Variants in PLPPR1 observed in about 807,000 individuals in gnomAD.
PLPPR1 encodes phospholipid phosphatase-related protein type 1.
PLPPR1 carries 10 observed loss-of-function variants against 33.1 expected under a neutral mutation model. The observed-to-expected ratio is 0.30, with a 90% CI of 0.19 to 0.51. The LOEUF (loss-of-function observed/expected upper bound fraction) is 0.51, where lower values mean the gene tolerates loss of function less well. Ranked by LOEUF, PLPPR1 falls within the 20% of genes least tolerant of loss-of-function variation. The pLI, the probability that PLPPR1 is intolerant of heterozygous loss-of-function variation, is 0.97. For missense variants in PLPPR1, 304 were observed against 408.1 expected (o/e 0.74, Z 2.20); for synonymous variants, 151 against 151.0 (o/e 1.00, Z 0.00).
At chr9:101,172,491 G>A (rs1825957426) in intron 1 of PLPPR1, among the ~76,000 whole-genome samples, 1 of 152,078 alleles carries the variant, frequency 6.6e-6, no homozygotes, top group African/African-American at 2.4e-5. Context: ...TAGTTAGGAG[G>A]TTTTCTACCT....
At chr9:101,300,762 G>C (rs750491759) in intron 4 of PLPPR1, among the ~76,000 whole-genome samples, 13 of 152,124 alleles carry the variant, frequency 8.5e-5, no homozygotes, top group African/African-American at 1.2e-4. Flanking sequence ...CATTTAGTTT[G>C]TATCCAGGGC....
chr9:101,276,850 T>C (rs1295133869), intron 3 of PLPPR1, among the ~76,000 whole-genome samples: 1 of 152,214 alleles, frequency 6.6e-6, no homozygotes, highest in East Asian at 1.9e-4. Context: ...ACTGAACTCT[T>C]TTCAGAATCA....
At chr9:101,225,024 G>A (rs72741482) in intron 2 of PLPPR1, among the ~76,000 whole-genome samples, 3,248 of 152,266 alleles carry the variant, frequency 0.021, 41 homozygotes, top group Middle Eastern at 0.068. Flanking sequence ...GAACTTCGGT[G>A]ATACTTTTAT....
At chr9:101,119,856 C>A (rs767845365) in intron 1 of PLPPR1, among the ~76,000 whole-genome samples, 2 of 152,196 alleles carry the variant, frequency 1.3e-5, no homozygotes, top group Non-Finnish European at 2.9e-5. Flanking sequence ...TCCCTCCCCA[C>A]CCAAACCACC....
At chr9:101,262,794 C>A (rs925329276) in intron 2 of PLPPR1, among the ~76,000 whole-genome samples, 1 of 152,150 alleles carries the variant, frequency 6.6e-6, no homozygotes, top group African/African-American at 2.4e-5. Flanking sequence ...GAAATTGTGG[C>A]ACATATATAC....
intron 1 of PLPPR1, among the ~76,000 whole-genome samples, chr9:101,073,902 A>T (rs1334482704): frequency 1.3e-5 from 2 of 152,206 alleles, no homozygotes; most frequent in Non-Finnish European, 2.9e-5. Context: ...AGATGAAGCC[A>T]TGAATATTAA....
chr9:101,193,302 C>T (rs1826334659), intron 2 of PLPPR1, among the ~76,000 whole-genome samples: 1 of 152,136 alleles, frequency 6.6e-6, no homozygotes, highest in South Asian at 2.1e-4. Context: ...CCTACTATCC[C>T]CTTTTCCTAT....
intron 4 of PLPPR1, among the ~76,000 whole-genome samples, chr9:101,289,197 C>T (rs962461629): frequency 1.3e-5 from 2 of 152,172 alleles, no homozygotes; most frequent in Non-Finnish European, 2.9e-5. Flanking sequence ...ACTTTACAAG[C>T]TGGCCAAACC....
rs144867320 is a variant in PLPPR1 at position 101,043,009 on chromosome 9, C to T, written c.-46+13907C>T. ...GTGATGACTTTGGTTTGCCCATCACCGGAGCAGTTACACAGAACCCAATTG... is the reference window on the plus strand; with the variant it reads ...GTGATGACTTTGGTTTGCCCATCACTGGAGCAGTTACACAGAACCCAATTG... On this transcript the variant is annotated intron_variant, in intron 1 of 7. Coordinates refer to ENST00000374874, the MANE Select transcript of PLPPR1 (RefSeq NM_207299.2). 2.9e-3 allele frequency among the ~76,000 whole-genome samples: 441 copies of T among 152,136 alleles called. 8 individuals carry two copies. Among genetic ancestry groups the T allele is most frequent in the Middle Eastern group, 0.01 (3 of 294 alleles).
intron 2 of PLPPR1, among the ~76,000 whole-genome samples, chr9:101,262,119 G>A (rs116125059): frequency 0.015 from 2,238 of 152,292 alleles, 45 homozygotes; most frequent in African/African-American, 0.049. Flanking sequence ...AGTCTTGAAA[G>A]ATACACAGTC....
At chr9:101,142,785 C>G (rs1248288571) in intron 1 of PLPPR1, among the ~76,000 whole-genome samples, 1 of 151,890 alleles carries the variant, frequency 6.6e-6, no homozygotes, top group African/African-American at 2.4e-5. Context: ...CAGTGATGAA[C>G]AGGACAGACA....
intron 2 of PLPPR1, among the ~76,000 whole-genome samples, chr9:101,199,072 T>C (rs956827189): frequency 6.6e-6 from 1 of 152,232 alleles, no homozygotes; most frequent in Non-Finnish European, 1.5e-5. Flanking sequence ...ATTTTCACTA[T>C]ATACAATAGA....
intron 1 of PLPPR1, among the ~76,000 whole-genome samples, chr9:101,091,459 T>C (rs1412961712): frequency 1.3e-5 from 2 of 152,136 alleles, no homozygotes; most frequent in African/African-American, 4.8e-5. Flanking sequence ...TTTCCTAGTG[T>C]TCCTTGGGTC....
At position 101,054,587 on chromosome 9, in the gene PLPPR1, T is replaced by G. The variant is rs115338602; in HGVS notation, c.-46+25485T>G. 9.1e-3 allele frequency among the ~76,000 whole-genome samples: 1,382 copies of G among 152,338 alleles called. 63 individuals are homozygous for G. In the East Asian group the frequency reaches 0.14, roughly 16 times the overall value. On this transcript the variant is annotated intron_variant, in intron 1 of 7. Transcript: ENST00000374874. ...ACAAACCCTTCTTTTAGACAGGATT[T>G]GTTCTTCACAAAGACTTATTGCTTA...
chr9:101,214,607 A>G (rs562774460), intron 2 of PLPPR1, among the ~76,000 whole-genome samples: 19 of 152,274 alleles, frequency 1.2e-4, no homozygotes, highest in Non-Finnish European at 2.4e-4. Context: ...AATAATTCAC[A>G]CCTTTAATTC....
In PLPPR1 at chr9:101,309,338, G is replaced by A. The variant is rs118040455; in HGVS notation, c.513G>A (p.Ala171=). ...KPNYTSADCQ[A]HHQFINNGNI... ...ACTACACCAGTGCAGACTGCCAAGC[G>A]CACCACCAGTTTATAAACAATGGGA... Residue 171 remains alanine, a synonymous_variant, in exon 5 of 8, where the codon GCG becomes GCA. Transcript: ENST00000374874. 2.6e-4 allele frequency: 423 copies of A among 1,614,120 alleles called. 3 individuals are homozygous for A. In the East Asian group the frequency reaches 7.5e-3, roughly 28 times the overall value.
At chr9:101,147,820 G>C (rs150903551) in intron 1 of PLPPR1, among the ~76,000 whole-genome samples, 1 of 152,324 alleles carries the variant, frequency 6.6e-6, no homozygotes, top group Non-Finnish European at 1.5e-5. Context: ...TCCTGGTTCA[G>C]TGAAGTTAAG....
At chr9:101,067,700 C>G (rs1830435504) in intron 1 of PLPPR1, among the ~76,000 whole-genome samples, 1 of 152,026 alleles carries the variant, frequency 6.6e-6, no homozygotes, top group Non-Finnish European at 1.5e-5. Context: ...TTGGCACTAA[C>G]AGATTCCTTT....
intron 1 of PLPPR1, among the ~76,000 whole-genome samples, chr9:101,029,573 C>T (rs1470725766): frequency 6.6e-6 from 1 of 152,224 alleles, no homozygotes; most frequent in Admixed American, 6.5e-5. Context: ...GATTTTCCCT[C>T]AGGCATGGGC....
Sources: gnomAD v4.1 joint callset for allele counts (sites outside exome capture counted in the v4.1 genomes callset) on GRCh38, gnomAD v4.1.1 for gene constraint, MANE v1.5 for transcripts, NCBI Gene and HGNC (gene_info 2026-07-23, HGNC 2026-07-21) for gene names.